SV2C: variants seen among roughly 807,000 people sequenced by gnomAD.
SV2C encodes the protein synaptic vesicle glycoprotein 2C, also known as solute carrier family 22 member B3.
SV2C carries 49 observed loss-of-function variants against 79.7 expected under a neutral mutation model. The observed-to-expected ratio is 0.61, with a 90% CI of 0.49 to 0.78. The LOEUF (loss-of-function observed/expected upper bound fraction) is 0.78, where lower values mean the gene tolerates loss of function less well. Among genes scored for constraint, SV2C ranks in the 30% least tolerant of loss-of-function variants. The pLI is 0.00. For missense variants in SV2C, 833 were observed against 912.9 expected, an observed-to-expected ratio of 0.91 and a Z score of 1.13; for synonymous variants, 334 against 333.2, an observed-to-expected ratio of 1.00 and a Z score of -0.03.
chr5:76,032,978 T>C, the SV2C span, among the ~76,000 whole-genome samples: 2 of 152,252 alleles, frequency 1.3e-5, no homozygotes, highest in African/African-American at 4.8e-5. Flanking sequence ...GGTTTTGATT[T>C]GCATTTCTCT....
chr5:76,279,490 A>AT (rs1193378366), intron 4 of SV2C, among the ~76,000 whole-genome samples: 1 of 152,246 alleles, frequency 6.6e-6, no homozygotes, highest in Non-Finnish European at 1.5e-5. Flanking sequence ...GCATGTAGTG[A>AT]TGCAGAAGCC....
chr5:76,085,898 A>G (rs1198717805), intron 1 of SV2C, among the ~76,000 whole-genome samples: 5 of 150,828 alleles, frequency 3.3e-5, no homozygotes, highest in African/African-American at 1.2e-4. Flanking sequence ...TTTTCCCAGC[A>G]TTGTTTTTTT....
chr5:76,293,630 A>G (rs1390879869), intron 8 of SV2C, among the ~76,000 whole-genome samples: 1 of 151,986 alleles, frequency 6.6e-6, no homozygotes, highest in East Asian at 1.9e-4. Flanking sequence ...CCCCTAAGTC[A>G]TTTCTTCCTC....
intron 4 of SV2C, chr5:76,281,251 T>G: frequency 1.9e-6 from 1 of 516,860 alleles, no homozygotes; most frequent in Non-Finnish European, 3.9e-6. Context: ...TAATAGACTC[T>G]GATGAAGATG....
At chr5:76,268,767 T>C (rs1398119025) in intron 4 of SV2C, among the ~76,000 whole-genome samples, 1 of 152,220 alleles carries the variant, frequency 6.6e-6, no homozygotes, top group Non-Finnish European at 1.5e-5. Flanking sequence ...TACTCTTTCA[T>C]TGTGTGTCAC....
chr5:76,178,322 G>T (rs533940850), intron 2 of SV2C, among the ~76,000 whole-genome samples: 27 of 152,324 alleles, frequency 1.8e-4, no homozygotes, highest in African/African-American at 6.3e-4. Context: ...CAGCTGTGTT[G>T]TACAGTCACC....
chr5:76,291,941 C>A, intron 8 of SV2C, 85 bp downstream of exon 8: 2 of 969,514 alleles, frequency 2.1e-6, no homozygotes, highest in Non-Finnish European at 3.1e-6. Flanking sequence ...TTTTCTGATA[C>A]TGCTTGATGC....
the SV2C span, among the ~76,000 whole-genome samples, chr5:75,869,674 G>A: frequency 6.6e-6 from 1 of 152,134 alleles, no homozygotes; most frequent in Non-Finnish European, 1.5e-5. Context: ...GGTGGTAGCC[G>A]GAGATTTGTT....
chr5:76,005,348 A>G, the SV2C span, among the ~76,000 whole-genome samples: 2 of 152,350 alleles, frequency 1.3e-5, no homozygotes, highest in South Asian at 2.1e-4. Context: ...TAACACTTGT[A>G]TTTATCTTTC....
At chr5:76,061,315 A>G in the SV2C span, among the ~76,000 whole-genome samples, 3 of 151,362 alleles carry the variant, frequency 2.0e-5, no homozygotes, top group African/African-American at 4.8e-5. Context: ...AAAATATGCA[A>G]TAATGCCAAG....
chr5:76,127,513 ATGTATCCTGCAGC>A, intron 1 of SV2C, among the ~76,000 whole-genome samples: 1 of 152,326 alleles, frequency 6.6e-6, no homozygotes, highest in East Asian at 1.9e-4. Context: ...TCAATCGGCT[ATGTATCCTGCAGC>A]TTAGCATGAT....
the SV2C span, among the ~76,000 whole-genome samples, chr5:75,874,251 T>A: frequency 6.6e-6 from 1 of 152,068 alleles, no homozygotes; most frequent in African/African-American, 2.4e-5. Context: ...TGGTTCAACA[T>A]ATGCAAATCA....
At chr5:76,029,691 T>G in the SV2C span, among the ~76,000 whole-genome samples, 1 of 152,236 alleles carries the variant, frequency 6.6e-6, no homozygotes, top group African/African-American at 2.4e-5. Flanking sequence ...TCAGCCAGCA[T>G]GTGTAATTTC....
intron 8 of SV2C, among the ~76,000 whole-genome samples, chr5:76,293,655 C>T (rs550360241): frequency 1.3e-5 from 2 of 152,316 alleles, no homozygotes; most frequent in South Asian, 4.1e-4. Context: ...ACTACCCTCA[C>T]ACCCCCACAG....
intron 2 of SV2C, among the ~76,000 whole-genome samples, chr5:76,184,869 C>T (rs1454165601): frequency 6.6e-6 from 1 of 152,214 alleles, no homozygotes; most frequent in Non-Finnish European, 1.5e-5. Flanking sequence ...TCATGCCCTT[C>T]CAACAGTCCC....
intron 2 of SV2C, among the ~76,000 whole-genome samples, chr5:76,163,892 C>A (rs1742967089): frequency 6.6e-6 from 1 of 152,134 alleles, no homozygotes; most frequent in Non-Finnish European, 1.5e-5. Flanking sequence ...GGAACCTCTG[C>A]AAATGCAAAG....
the SV2C span, among the ~76,000 whole-genome samples, chr5:76,021,040 C>T: frequency 2.6e-5 from 4 of 152,316 alleles, no homozygotes; most frequent in South Asian, 8.3e-4. Flanking sequence ...AGTTAATACA[C>T]AGGCAGATAC....
chr5:76,136,199 G>A (rs1580296539), intron 2 of SV2C, among the ~76,000 whole-genome samples: 1 of 152,200 alleles, frequency 6.6e-6, no homozygotes, highest in African/African-American at 2.4e-5. Context: ...GAAACATCCT[G>A]TGCTTCTTTT....
At chr5:75,866,190 C>T in the SV2C span, among the ~76,000 whole-genome samples, 1 of 150,650 alleles carries the variant, frequency 6.6e-6, no homozygotes, top group African/African-American at 2.5e-5. Flanking sequence ...GCCATGTCCA[C>T]ATGCATCAGT....
Sources: gnomAD v4.1 joint callset for allele counts (sites outside exome capture counted in the v4.1 genomes callset) on GRCh38, gnomAD v4.1.1 for gene constraint, MANE v1.5 for transcripts, NCBI Gene and HGNC (gene_info 2026-07-23, HGNC 2026-07-21) for gene names.